The following GPHN variants were observed in gnomAD, a reference collection of about 807,000 sequenced individuals.
GPHN encodes gephyrin.
GPHN carries 17 observed loss-of-function variants against 95.5 expected under a neutral mutation model. That is an observed-to-expected ratio of 0.18 (90% CI 0.12 to 0.27). The LOEUF is 0.27. GPHN is among the 10% of genes least tolerant of loss of function. GPHN has a pLI of 1.00. For missense variants in GPHN, 660 were observed against 978.1 expected (o/e 0.67, Z 4.34); for synonymous variants, 320 against 322.5 (o/e 0.99, Z 0.08).
chr14:66,817,860 A>G (rs1596006720), intron 3 of GPHN, among the ~76,000 whole-genome samples: 1 of 152,188 alleles, frequency 6.6e-6, no homozygotes, highest in Non-Finnish European at 1.5e-5. Flanking sequence ...CAGAACAGCC[A>G]TACCATGACT....
chr14:67,224,622 T>A, the GPHN span: 153 of 303,660 alleles, frequency 5.0e-4, no homozygotes, highest in African/African-American at 2.9e-3. Flanking sequence ...CCTTAACTTT[T>A]AAATTTTTTT....
chr14:66,751,074 T>G (rs1434989135), intron 2 of GPHN, among the ~76,000 whole-genome samples: 1 of 151,990 alleles, frequency 6.6e-6, no homozygotes, highest in African/African-American at 2.4e-5. Context: ...TGAAAAAATT[T>G]TAGTACTTAC....
chr14:67,478,417 G>A, the GPHN span, among the ~76,000 whole-genome samples: 1 of 152,154 alleles, frequency 6.6e-6, no homozygotes, highest in Non-Finnish European at 1.5e-5. Context: ...CACTGCTCTG[G>A]TTCACGCCCT....
chr14:66,664,925 T>C (rs1324232591), intron 1 of GPHN, among the ~76,000 whole-genome samples: 3 of 146,150 alleles, frequency 2.1e-5, no homozygotes, highest in Non-Finnish European at 4.5e-5. Context: ...CAGGAAGAAA[T>C]TGAATCCCTG....
chr14:67,440,621 G>A, the GPHN span, among the ~76,000 whole-genome samples: 1 of 152,150 alleles, frequency 6.6e-6, no homozygotes, highest in African/African-American at 2.4e-5. Context: ...GCATGGTTGT[G>A]CATGTCTGTA....
the GPHN span, among the ~76,000 whole-genome samples, chr14:67,298,446 C>T: frequency 2.5e-4 from 38 of 150,292 alleles, no homozygotes; most frequent in African/African-American, 7.8e-4. Context: ...ACCCGGGAGG[C>T]GAAGGTTGCA....
chr14:67,562,056 A>C, the GPHN span: 39 of 1,611,514 alleles, frequency 2.4e-5, no homozygotes, highest in Admixed American at 4.8e-4. Flanking sequence ...CAGGGTGTGC[A>C]GGTGTGCAGT....
intron 3 of GPHN, among the ~76,000 whole-genome samples, chr14:66,781,535 T>A (rs2059608044): frequency 6.6e-6 from 1 of 152,152 alleles, no homozygotes; most frequent in Non-Finnish European, 1.5e-5. Context: ...ATGATTTTTA[T>A]CATTATCAAT....
the GPHN span, chr14:67,562,305 G>A: frequency 1.9e-6 from 3 of 1,613,946 alleles, no homozygotes; most frequent in East Asian, 2.2e-5. Context: ...GCCCTGCAGA[G>A]CAAGGACTCT....
chr14:67,531,910 CAAAAAAAA>C, the GPHN span, among the ~76,000 whole-genome samples: 16 of 79,572 alleles, frequency 2.0e-4, no homozygotes, highest in South Asian at 3.9e-3. Context: ...AACCTATGTC[CAAAAAAAA>C]AAAAAAAAAA....
At chr14:66,923,697 T>C (rs1385375603) in intron 7 of GPHN, among the ~76,000 whole-genome samples, 3 of 152,156 alleles carry the variant, frequency 2.0e-5, no homozygotes, top group Non-Finnish European at 4.4e-5. Context: ...AATTATGATT[T>C]TTCATTAAGA....
chr14:67,627,432 TGATA>T, the GPHN span, among the ~76,000 whole-genome samples: 3 of 152,164 alleles, frequency 2.0e-5, no homozygotes, highest in Non-Finnish European at 2.9e-5. Flanking sequence ...TCATGTCTGT[TGATA>T]GATATCCATC....
At chr14:67,379,026 C>G in the GPHN span, among the ~76,000 whole-genome samples, 1 of 152,076 alleles carries the variant, frequency 6.6e-6, no homozygotes, top group Non-Finnish European at 1.5e-5. Flanking sequence ...AAGCAGGATT[C>G]CCCCACAATG....
In GPHN at chr14:66,821,470, T is replaced by C. The variant is rs188830795; in HGVS notation, c.202-3004T>C. Among the ~76,000 whole-genome samples the C allele has an allele frequency of 3.9e-5, 6 of 152,326 alleles. 1 individual carries two copies. In the East Asian group the frequency reaches 9.6e-4, roughly 24 times the overall value. On this transcript the variant is annotated intron_variant, in intron 3 of 22. Coordinates refer to ENST00000478722, the MANE Select transcript of GPHN (RefSeq NM_020806.5). The stretch of plus-strand genomic sequence containing the variant: ...TTAGTAACAAGATTCTAGACAACTA[T>C]AGACTAAGAGCTCCTCTACTTGACT...
chr14:67,364,672 T>C, the GPHN span: 1 of 1,273,474 alleles, frequency 7.9e-7, no homozygotes, highest in Non-Finnish European at 1.1e-6. Context: ...ATTTTTTTCT[T>C]CATCTTTTCT....
chr14:67,366,265 G>C, the GPHN span, among the ~76,000 whole-genome samples: 1 of 152,058 alleles, frequency 6.6e-6, no homozygotes, highest in Admixed American at 6.6e-5. Context: ...TGTAGAGATG[G>C]GGTCTTGCTG....
the GPHN span, among the ~76,000 whole-genome samples, chr14:67,427,409 G>A: frequency 6.6e-6 from 1 of 152,200 alleles, no homozygotes; most frequent in Admixed American, 6.5e-5. Context: ...GGCTGTGGCC[G>A]TGGAAATGCG....
chr14:66,757,720 A>G lies in GPHN; in HGVS notation c.144-18744A>G, dbSNP rs991654158. ...TGCTTTTATATGCATAGAGGGACAC[A>G]TAAAAATCTGGTTGGCAGGGTAGGG... On this transcript the variant is annotated intron_variant, in intron 2 of 22. Transcript: ENST00000478722. Among the ~76,000 whole-genome samples, 5 of 152,204 alleles carry G rather than the reference A, an allele frequency of 3.3e-5. 1 individual carries two copies. In the South Asian group the frequency reaches 6.2e-4, roughly 19 times the overall value.
chr14:66,520,126 A>G (rs1281563171), intron 1 of GPHN, among the ~76,000 whole-genome samples: 1 of 152,150 alleles, frequency 6.6e-6, no homozygotes, highest in Non-Finnish European at 1.5e-5. Context: ...TCCCTAATTG[A>G]TGGACATCGA....
Sources: allele counts gnomAD v4.1 joint callset (sites outside exome capture counted in the v4.1 genomes callset), GRCh38; gene constraint gnomAD v4.1.1; transcripts MANE v1.5; gene names NCBI Gene and HGNC (gene_info 2026-07-23, HGNC 2026-07-21).